The following SCFD2 variants were observed in gnomAD, a reference collection of about 807,000 sequenced individuals.
The protein encoded by SCFD2 is sec1 family domain-containing protein 2.
A neutral mutation model predicts 58.9 loss-of-function variants in SCFD2; 54 were observed. The observed-to-expected ratio is 0.92, with a 90% CI of 0.74 to 1.15. SCFD2 has a LOEUF of 1.15. SCFD2 is among the 50% of genes most tolerant of loss of function. The probability of loss-of-function intolerance (pLI) is 0.00; values close to 1 mark genes in which losing one functional copy is unlikely to be tolerated. For synonymous variants in SCFD2, 321 were observed against 335.9 expected (o/e 0.96, Z 0.49); for missense variants, 805 against 836.6 (o/e 0.96, Z 0.47).
chr4:53,309,210 C>G (rs904485474), intron 3 of SCFD2, among the ~76,000 whole-genome samples: 2 of 151,774 alleles, frequency 1.3e-5, no homozygotes, highest in African/African-American at 4.8e-5. Flanking sequence ...TTGTTCAGTT[C>G]TGGAATTCAC....
At position 52,907,462 on chromosome 4, in the gene SCFD2, T is replaced by A. The variant is rs367766735; in HGVS notation, c.1837A>T (p.Met613Leu). ...DLLKTGFSMF[M>L]KVSRPHPSDY... Reference sequence around the variant, plus strand: ...CCTCTCCATGGTTACTTTACCTTCATGAACATGCTAAATCCAGTTTTAAGG... The same window carrying A: ...CCTCTCCATGGTTACTTTACCTTCAAGAACATGCTAAATCCAGTTTTAAGG... Residue 613 changes from methionine to leucine, a missense_variant, in exon 7 of 9, where the codon ATG becomes TTG. Transcript: ENST00000401642. 2 of 1,613,788 alleles carry A rather than the reference T, an allele frequency of 1.2e-6. No individual in the cohort carries two copies. Among genetic ancestry groups the A allele is most frequent in the East Asian group, 4.5e-5 (2 of 44,894 alleles).
chr4:53,027,417 A>G (rs960399433), intron 5 of SCFD2, among the ~76,000 whole-genome samples: 4 of 152,332 alleles, frequency 2.6e-5, no homozygotes, highest in Admixed American at 6.5e-5. Flanking sequence ...CCCAGCCCCA[A>G]GAGTCTATAA....
chr4:52,897,209 G>A (rs1481262376), intron 7 of SCFD2, among the ~76,000 whole-genome samples: 1 of 152,248 alleles, frequency 6.6e-6, no homozygotes, highest in Non-Finnish European at 1.5e-5. Context: ...CAGGAGTGGT[G>A]AGAGAGGGCA....
intron 4 of SCFD2, among the ~76,000 whole-genome samples, chr4:53,190,760 C>T (rs1727869881): frequency 6.6e-6 from 1 of 152,070 alleles, no homozygotes; most frequent in Non-Finnish European, 1.5e-5. Flanking sequence ...AAATATAACA[C>T]AAGAGAACTA....
At chr4:53,257,714 A>C (rs1577906777) in intron 4 of SCFD2, among the ~76,000 whole-genome samples, 1 of 152,340 alleles carries the variant, frequency 6.6e-6, no homozygotes, top group East Asian at 1.9e-4. Context: ...TAATGTGTAA[A>C]GAGCACCCAA....
chr4:52,920,024 T>C (rs1719697569), intron 6 of SCFD2, among the ~76,000 whole-genome samples: 2 of 152,222 alleles, frequency 1.3e-5, no homozygotes, highest in Non-Finnish European at 2.9e-5. Context: ...AGAGCTCATC[T>C]TTGGCCACCA....
At chr4:53,024,787 G>A (rs912407384) in intron 5 of SCFD2, among the ~76,000 whole-genome samples, 4 of 151,108 alleles carry the variant, frequency 2.6e-5, no homozygotes, top group Admixed American at 1.3e-4. Flanking sequence ...GGGTTCCAGA[G>A]TCCCTTTAAC....
At chr4:53,310,158 T>C (rs1183894129) in intron 3 of SCFD2, among the ~76,000 whole-genome samples, 1 of 152,134 alleles carries the variant, frequency 6.6e-6, no homozygotes, top group Non-Finnish European at 1.5e-5. Flanking sequence ...TCTGGGAGGC[T>C]TTCCAGTAAA....
rs1720817174 is a variant in SCFD2 at position 52,960,369 on chromosome 4, T to TTC, written c.1562-39500_1562-39499insGA. ...CGCAGAGAGGCACATCTTCTTCTTC[T>TTC]TTTTTTTTTTTTTTTTGAGACAGAG... On this transcript the variant is annotated intron_variant, in intron 5 of 8. Coordinates refer to ENST00000401642, the MANE Select transcript of SCFD2 (RefSeq NM_152540.4). Among the ~76,000 whole-genome samples, 3 of 35,550 alleles carry TTC rather than the reference T, an allele frequency of 8.4e-5. No homozygotes were observed. The South Asian group carries it at 5.8e-3, about 68-fold the overall frequency. 23.3% of individuals were successfully genotyped at this position (35,550 alleles called of 152,430 possible). A position where few individuals can be genotyped will look rare whatever the true frequency, so the allele number is the denominator to read the frequency against.
intron 5 of SCFD2, among the ~76,000 whole-genome samples, chr4:52,967,624 A>G (rs1720991340): frequency 6.6e-6 from 1 of 152,152 alleles, no homozygotes; most frequent in Non-Finnish European, 1.5e-5. Context: ...TCCATGGGAG[A>G]AGTGGTCCAG....
At chr4:53,005,144 C>T (rs148699219) in intron 5 of SCFD2, among the ~76,000 whole-genome samples, 83 of 152,294 alleles carry the variant, frequency 5.4e-4, no homozygotes, top group African/African-American at 1.9e-3. Context: ...GTGATCCACT[C>T]GTCTTTGGCC....
chr4:53,250,936 A>G (rs1730346182), intron 4 of SCFD2, among the ~76,000 whole-genome samples: 1 of 152,252 alleles, frequency 6.6e-6, no homozygotes, highest in South Asian at 2.1e-4. Flanking sequence ...AAACCCTTCA[A>G]AAAATCAATA....
intron 4 of SCFD2, among the ~76,000 whole-genome samples, chr4:53,181,324 A>G (rs1014379612): frequency 3.3e-5 from 5 of 152,228 alleles, no homozygotes; most frequent in Admixed American, 6.5e-5. Flanking sequence ...AGTGGGCTTC[A>G]TCCCTGGGAT....
intron 5 of SCFD2, among the ~76,000 whole-genome samples, chr4:52,937,544 C>A (rs182972502): frequency 6.6e-6 from 1 of 152,194 alleles, no homozygotes; most frequent in African/African-American, 2.4e-5. Context: ...AATGTCTCCT[C>A]CATCCCTTCC....
chr4:52,912,123 A>C (rs556586182), intron 6 of SCFD2, among the ~76,000 whole-genome samples: 1 of 152,074 alleles, frequency 6.6e-6, no homozygotes, highest in Non-Finnish European at 1.5e-5. Flanking sequence ...GAAGCTGAGT[A>C]AGTCTACAAA....
At chr4:53,178,969 G>C (rs1232768500) in intron 4 of SCFD2, among the ~76,000 whole-genome samples, 1 of 152,116 alleles carries the variant, frequency 6.6e-6, no homozygotes, top group Non-Finnish European at 1.5e-5. Context: ...AAAAAGAAAG[G>C]AACAAAGCCT....
chr4:53,249,324 A>G (rs1325641604), intron 4 of SCFD2, among the ~76,000 whole-genome samples: 4 of 152,188 alleles, frequency 2.6e-5, no homozygotes, highest in East Asian at 3.8e-4. Flanking sequence ...CCAAATCTAC[A>G]TCTGATTGGT....
At chr4:52,970,141 A>T (rs1047029470) in intron 5 of SCFD2, among the ~76,000 whole-genome samples, 1 of 152,206 alleles carries the variant, frequency 6.6e-6, no homozygotes, top group African/African-American at 2.4e-5. Flanking sequence ...TACCGGGCTC[A>T]TCTCACTGGG....
intron 6 of SCFD2, among the ~76,000 whole-genome samples, chr4:52,918,137 G>T (rs957731759): frequency 8.4e-5 from 12 of 142,742 alleles, no homozygotes. Flanking sequence ...GAGCTGGGTA[G>T]AAAGCATAGA....
Sources: gnomAD v4.1 joint callset for allele counts (sites outside exome capture counted in the v4.1 genomes callset) on GRCh38, gnomAD v4.1.1 for gene constraint, MANE v1.5 for transcripts, NCBI Gene and HGNC (gene_info 2026-07-23, HGNC 2026-07-21) for gene names.